The following DOCK9 variants were observed in gnomAD, a reference collection of about 807,000 sequenced individuals.
DOCK9 encodes the protein dedicator of cytokinesis 9, also known as dedicator of cytokinesis protein 9.
In DOCK9, 89 loss-of-function variants were observed where a neutral mutation model predicts 263.3. The ratio of observed to expected loss-of-function variants is 0.34; its 90% CI spans 0.28 to 0.40. The LOEUF is 0.40. Ranked by LOEUF, DOCK9 falls within the 10% of genes least tolerant of loss-of-function variation. DOCK9 has a pLI of 1.00. For missense variants in DOCK9, 2,140 were observed against 2,603.4 expected, an observed-to-expected ratio of 0.82 and a Z score of 3.87; for synonymous variants, 976 against 973.1, an observed-to-expected ratio of 1.00 and a Z score of -0.06.
rs563213483 is a variant in DOCK9, at chr13:99,015,213, T to C, written c.130-59662A>G. On this transcript the variant is annotated intron_variant, in intron 1 of 32. Transcript: ENST00000427887. ...AAAGCTACATTAGAAAACTATTCTT[T>C]AATAAAATATCTTATTCCTTTCTCT... 2.6e-5 allele frequency among the ~76,000 whole-genome samples: 4 copies of C among 152,364 alleles called. 1 individual carries two copies. Among genetic ancestry groups the C allele is most frequent in the Admixed American group, 2.6e-4 (4 of 15,306 alleles).
At chr13:98,994,503 G>C (rs566943287) in intron 1 of DOCK9, among the ~76,000 whole-genome samples, 2 of 152,340 alleles carry the variant, frequency 1.3e-5, no homozygotes, top group Admixed American at 1.3e-4. Context: ...GAGAAATGCA[G>C]CACCAATCCT....
At chr13:98,958,536 T>G (rs2058317024) in intron 1 of DOCK9, among the ~76,000 whole-genome samples, 2 of 152,258 alleles carry the variant, frequency 1.3e-5, no homozygotes, top group Admixed American at 1.3e-4. Flanking sequence ...CTGTCACAAC[T>G]GGTAAACTCT....
chr13:98,868,421 A>G, intron 27 of DOCK9, 44 bp from the exon 28 acceptor site: 1 of 1,558,730 alleles, frequency 6.4e-7, no homozygotes, highest in Non-Finnish European at 8.7e-7. Flanking sequence ...ATTAAGTTGC[A>G]ATCATTTGGG....
intron 7 of DOCK9, among the ~76,000 whole-genome samples, chr13:98,919,266 C>T (rs1193330914): frequency 7.9e-5 from 12 of 152,060 alleles, no homozygotes; most frequent in Non-Finnish European, 1.6e-4. Context: ...CCCACCACCA[C>T]GCCTGGCTAA....
Position 98,863,433 on chromosome 13 carries a change from G to A in DOCK9, c.3402C>T (p.Ile1134=), listed in dbSNP as rs201631225. The A allele has an allele frequency of 7.4e-5, 120 of 1,613,838 alleles. No homozygotes were observed. Among genetic ancestry groups the A allele is most frequent in the Non-Finnish European group, 8.8e-5 (104 of 1,179,886 alleles). The change falls in exon 31 of 53, where the codon ATC becomes ATT. Residue 1134 remains isoleucine, a synonymous_variant. Transcript: ENST00000682017. ...ALQEFREVRL[I]AISVLKNLLI... ...GCAGGTTCTTGAGCACACTGATGGC[G>A]ATCAGACGGACCTCCCGGAACTCCT...
chr13:98,878,861 G>T (rs143835794), intron 27 of DOCK9, among the ~76,000 whole-genome samples: 1 of 152,138 alleles, frequency 6.6e-6, no homozygotes, highest in African/African-American at 2.4e-5. Context: ...AGGCTTCCTC[G>T]GAGAGCCCAG....
intron 2 of DOCK9, among the ~76,000 whole-genome samples, chr13:98,931,331 C>T (rs1213109978): frequency 3.3e-5 from 5 of 150,572 alleles, no homozygotes; most frequent in African/African-American, 9.8e-5. Flanking sequence ...ACAGGTCTCG[C>T]TCTGTCGCCC....
intron 1 of DOCK9, among the ~76,000 whole-genome samples, chr13:99,060,062 C>CTTTTTTTTTTTTTT (rs71114576): frequency 8.1e-5 from 5 of 61,460 alleles, no homozygotes; most frequent in African/African-American, 3.2e-4. Context: ...ATTGTTTCTA[C>CTTTTTTTTTTTTTT]TTTTTTTTTT....
At chr13:98,840,711 G>A (rs1160371462) in intron 38 of DOCK9, among the ~76,000 whole-genome samples, 1 of 152,178 alleles carries the variant, frequency 6.6e-6, no homozygotes, top group African/African-American at 2.4e-5. Flanking sequence ...CTGAATACCA[G>A]AGGACATTTG....
rs1010805404 is a variant in DOCK9, at chr13:98,934,238, G to A, written c.244-3981C>T. ...GCCTTTAGAAAAACTGGGAGCTTCT[G>A]TTACCTCCTTCTTGGAAGCCAGTCA... On this transcript the variant is annotated intron_variant, in intron 2 of 52. Transcript: ENST00000682017. Among the ~76,000 whole-genome samples the A allele has an allele frequency of 3.9e-5, 6 of 152,076 alleles. No individual in the cohort carries two copies. The East Asian group carries it at 5.8e-4, about 15-fold the overall frequency.
chr13:98,863,777 T>C (rs2093942517), intron 30 of DOCK9, among the ~76,000 whole-genome samples: 2 of 152,158 alleles, frequency 1.3e-5, no homozygotes, highest in African/African-American at 2.4e-5. Flanking sequence ...TAAATACAAT[T>C]AAGTGCACTG....
chr13:98,989,930 G>T (rs1479961209), intron 1 of DOCK9, among the ~76,000 whole-genome samples: 6 of 152,176 alleles, frequency 3.9e-5, no homozygotes, highest in Non-Finnish European at 1.5e-5. Flanking sequence ...GGTCTACAGA[G>T]CAGTACAATA....
chr13:98,887,156 T>A (rs796943374), intron 18 of DOCK9, among the ~76,000 whole-genome samples: 6,424 of 71,102 alleles, frequency 0.09, 224 homozygotes, highest in Middle Eastern at 0.19. Context: ...TTTTTTTTTT[T>A]TTTTTTTTTT....
At chr13:98,939,589 C>T (rs766049766) in intron 2 of DOCK9, among the ~76,000 whole-genome samples, 63 of 148,024 alleles carry the variant, frequency 4.3e-4, no homozygotes, top group South Asian at 6.8e-4. Context: ...GGGCCTGGGG[C>T]GGGGGCAAGG....
chr13:98,926,692 A>G (rs1485412501), intron 3 of DOCK9, among the ~76,000 whole-genome samples: 1 of 152,242 alleles, frequency 6.6e-6, no homozygotes, highest in Admixed American at 6.5e-5. Flanking sequence ...AGTCAAAATC[A>G]AAAGCTAAAG....
chr13:99,051,670 C>T (rs1365325166), intron 1 of DOCK9, among the ~76,000 whole-genome samples: 1 of 152,124 alleles, frequency 6.6e-6, no homozygotes. Context: ...CGACTTGACT[C>T]AGCTGTAGAA....
At chr13:98,827,690 T>C (rs74111311) in intron 43 of DOCK9, among the ~76,000 whole-genome samples, 5,250 of 152,310 alleles carry the variant, frequency 0.034, 298 homozygotes, top group African/African-American at 0.12. Context: ...AGTGGAGTTA[T>C]GTACTGTCCA....
chr13:98,991,497 T>G (rs1879796332), intron 1 of DOCK9, among the ~76,000 whole-genome samples: 1 of 152,180 alleles, frequency 6.6e-6, no homozygotes, highest in Non-Finnish European at 1.5e-5. Flanking sequence ...CTATACACAC[T>G]GGGTTTCAAA....
At chr13:98,978,396 AT>A (rs1875896805), upstream of DOCK9, among the ~76,000 whole-genome samples, 1 of 152,190 alleles carries the variant, frequency 6.6e-6, no homozygotes, top group Non-Finnish European at 1.5e-5. Flanking sequence ...GAATGCTTTC[AT>A]TTGTGTTATG....
Sources: gnomAD v4.1 joint callset for allele counts (sites outside exome capture counted in the v4.1 genomes callset) on GRCh38, gnomAD v4.1.1 for gene constraint, MANE v1.5 for transcripts, NCBI Gene and HGNC (gene_info 2026-07-23, HGNC 2026-07-21) for gene names.